The following AAMDC variants were observed in gnomAD, a reference collection of about 807,000 sequenced individuals.
AAMDC encodes mth938 domain-containing protein.
Under a neutral mutation model 15.5 loss-of-function variants are expected in AAMDC, and 16 were observed. That is an observed-to-expected ratio of 1.03 (90% confidence interval 0.70 to 1.57). The LOEUF is 1.57. Among genes scored for constraint, AAMDC ranks in the 40% most tolerant of loss-of-function variants. The pLI is 0.00. For missense variants in AAMDC, 141 were observed against 144.9 expected (o/e 0.97, Z 0.14); for synonymous variants, 51 against 51.6 (o/e 0.99, Z 0.05).
At chr11:77,862,260 A>G (rs983865125) in intron 2 of AAMDC, among the ~76,000 whole-genome samples, 2 of 152,190 alleles carry the variant, frequency 1.3e-5, no homozygotes, top group South Asian at 2.1e-4. Context: ...GAGATCGCCA[A>G]ACTCTCGGGC....
intron 2 of AAMDC, among the ~76,000 whole-genome samples, chr11:77,848,149 A>G (rs1255763392): frequency 6.6e-6 from 1 of 152,182 alleles, no homozygotes; most frequent in African/African-American, 2.4e-5. Context: ...AGTCCAGTTG[A>G]GCTGGCACAT....
intron 2 of AAMDC, among the ~76,000 whole-genome samples, chr11:77,845,829 G>T (rs942058755): frequency 2.6e-5 from 4 of 151,982 alleles, no homozygotes; most frequent in Non-Finnish European, 4.4e-5. Flanking sequence ...TTTGAACATG[G>T]TTTCCTTTGG....
Position 77,859,435 on chromosome 11 carries a change from C to A in AAMDC, c.133-10287C>A, listed in dbSNP as rs532674099. The stretch of plus-strand genomic sequence containing the variant: ...TCCTGATGTTTGATAGGTCTTCCCT[C>A]GGAAGTTAGGAATTCCTTTTCTCTC... On this transcript the variant is annotated intron_variant, in intron 2 of 3. Transcript: ENST00000393427. Among the ~76,000 whole-genome samples, 140 of 152,290 alleles carry A rather than the reference C, an allele frequency of 9.2e-4. 2 individuals are homozygous for A. The highest frequency in any genetic ancestry group is 3.0e-3 in the African/African-American group (125 of 41,564).
chr11:77,897,065 G>A (rs1238890161), intron 5 of AAMDC, among the ~76,000 whole-genome samples: 1 of 151,956 alleles, frequency 6.6e-6, no homozygotes, highest in Non-Finnish European at 1.5e-5. Flanking sequence ...ATTCTGGTGT[G>A]GCGGGGGTTG....
At position 77,900,472 on chromosome 11, in the gene AAMDC, A is replaced by G. The variant is rs190944054; in HGVS notation, c.329-99A>G. ...ACTATCAAGATACGTGAAGAAATAAAATATTTTATTTTTCAGGATGTTATT... is the reference window on the plus strand; with the variant it reads ...ACTATCAAGATACGTGAAGAAATAAGATATTTTATTTTTCAGGATGTTATT... On this transcript the variant is annotated intron_variant, in intron 5 of 5. Transcript: ENST00000304716. The G allele has an allele frequency of 4.3e-5, 24 of 562,122 alleles. No individual in the cohort carries two copies. In the Admixed American group the frequency reaches 6.6e-4, roughly 15 times the overall value. 34.8% of individuals were successfully genotyped at this position (562,122 alleles called of 1,614,324 possible).
intron 5 of AAMDC, among the ~76,000 whole-genome samples, chr11:77,885,568 C>G (rs1951968982): frequency 6.6e-6 from 1 of 151,984 alleles, no homozygotes; most frequent in South Asian, 2.1e-4. Context: ...CCTGTAATCC[C>G]AGCACTTTGG....
chr11:77,870,707 T>G (rs557621552), intron 3 of AAMDC, among the ~76,000 whole-genome samples: 2 of 152,294 alleles, frequency 1.3e-5, no homozygotes, highest in South Asian at 4.1e-4. Flanking sequence ...TGCAGAAATG[T>G]AGAAGTAAAA....
intron 2 of AAMDC, among the ~76,000 whole-genome samples, chr11:77,861,881 G>GT (rs1057148003): frequency 9.2e-5 from 14 of 152,208 alleles, no homozygotes; most frequent in African/African-American, 3.4e-4. Context: ...GGGTTTCTAA[G>GT]TTTTTTGAAG....
chr11:77,835,765 C>G (rs1014099895), intron 1 of AAMDC, among the ~76,000 whole-genome samples: 1 of 151,546 alleles, frequency 6.6e-6, no homozygotes, highest in African/African-American at 2.4e-5. Flanking sequence ...CCAAAATATA[C>G]AAAAAATTAA....
At chr11:77,904,889 T>C (rs548733230), downstream of AAMDC, among the ~76,000 whole-genome samples, 11 of 152,158 alleles carry the variant, frequency 7.2e-5, no homozygotes, top group Non-Finnish European at 1.6e-4. Flanking sequence ...TTGTCTTTAT[T>C]TGGAAATTAA....
At chr11:77,832,461 G>C (rs747847301) in intron 1 of AAMDC, among the ~76,000 whole-genome samples, 2 of 151,908 alleles carry the variant, frequency 1.3e-5, no homozygotes, top group African/African-American at 2.4e-5. Context: ...CCAGTAGCTG[G>C]GATTACAGGC....
intron 2 of AAMDC, among the ~76,000 whole-genome samples, chr11:77,864,463 A>G (rs560975378): frequency 2.7e-4 from 41 of 152,160 alleles, no homozygotes; most frequent in Non-Finnish European, 4.7e-4. Context: ...TAAAAAAAAG[A>G]ACATAGTGGT....
At chr11:77,888,123 C>A (rs1357739681) in intron 5 of AAMDC, among the ~76,000 whole-genome samples, 2 of 152,184 alleles carry the variant, frequency 1.3e-5, no homozygotes, top group African/African-American at 4.8e-5. Context: ...CAAGTCAATC[C>A]TAAGCCAAAA....
At position 77,859,197 on chromosome 11, in the gene AAMDC, A is replaced by G. The variant is rs562544172; in HGVS notation, c.133-10525A>G. 2.0e-5 allele frequency among the ~76,000 whole-genome samples: 3 copies of G among 152,332 alleles called. No homozygotes were observed. The South Asian group carries it at 6.2e-4, about 32-fold the overall frequency. ...CCATTCTATTTCTTCTTTTGAGTAC[A>G]GGGGCTTGGTTTCCCAGAGGGGATT... On this transcript the variant is annotated intron_variant, in intron 2 of 3. Coordinates refer to ENST00000393427, the MANE Select transcript of AAMDC (RefSeq NM_024684.4).
chr11:77,903,792 A>G (rs1042011488), downstream of AAMDC, among the ~76,000 whole-genome samples: 1 of 152,200 alleles, frequency 6.6e-6, no homozygotes, highest in African/African-American at 2.4e-5. Context: ...GATGAGACCA[A>G]TGGTTTGGGC....
downstream of AAMDC, among the ~76,000 whole-genome samples, chr11:77,875,551 G>GA (rs111919170): frequency 8.3e-3 from 1,264 of 152,320 alleles, 16 homozygotes; most frequent in African/African-American, 0.027. Flanking sequence ...CTCCAACAGA[G>GA]AATGTGCTCT....
At chr11:77,848,086 A>G (rs1289104029) in intron 2 of AAMDC, among the ~76,000 whole-genome samples, 8 of 152,252 alleles carry the variant, frequency 5.3e-5, no homozygotes, top group Admixed American at 3.9e-4. Context: ...AATCTCATCC[A>G]TAGACATTCT....
intron 2 of AAMDC, among the ~76,000 whole-genome samples, chr11:77,865,480 C>T (rs1046003637): frequency 1.3e-5 from 2 of 152,206 alleles, no homozygotes; most frequent in Non-Finnish European, 2.9e-5. Context: ...AAGAAAAGCT[C>T]ATGCCAAACC....
At chr11:77,874,834 C>T (rs1190050900), downstream of AAMDC, among the ~76,000 whole-genome samples, 14 of 152,188 alleles carry the variant, frequency 9.2e-5, no homozygotes, top group Admixed American at 8.5e-4. Flanking sequence ...GTCAGCAGTT[C>T]GAGACCAGCC....
Sources: gnomAD v4.1 joint callset for allele counts (sites outside exome capture counted in the v4.1 genomes callset) on GRCh38, gnomAD v4.1.1 for gene constraint, MANE v1.5 for transcripts, NCBI Gene and HGNC (gene_info 2026-07-23, HGNC 2026-07-21) for gene names.